The following PRKN variants were observed in gnomAD, a reference collection of about 807,000 sequenced individuals.
The protein encoded by PRKN is parkin RBR E3 ubiquitin protein ligase, also known as E3 ubiquitin-protein ligase parkin.
Under a neutral mutation model 59.5 loss-of-function variants are expected in PRKN, and 56 were observed. The observed-to-expected ratio is 0.94, with a 90% CI of 0.76 to 1.18. PRKN has a LOEUF of 1.18. Ranked by LOEUF, PRKN falls within the 50% of genes most tolerant of loss-of-function variation. PRKN has a pLI of 0.00. For synonymous variants in PRKN, 250 were observed against 222.1 expected, an observed-to-expected ratio of 1.13 and a Z score of -1.12; for missense variants, 657 against 596.4, an observed-to-expected ratio of 1.10 and a Z score of -1.06.
At chr6:161,604,869 A>C (rs1782223306) in intron 7 of PRKN, among the ~76,000 whole-genome samples, 1 of 152,282 alleles carries the variant, frequency 6.6e-6, no homozygotes, top group Admixed American at 6.5e-5. Context: ...TGGGAGGTGG[A>C]GGTTGCAGCG....
chr6:161,515,881 C>T (rs2115344133), intron 9 of PRKN, among the ~76,000 whole-genome samples: 1 of 152,266 alleles, frequency 6.6e-6, no homozygotes, highest in South Asian at 2.1e-4. Flanking sequence ...AAGCTAATGG[C>T]TTTTCACACA....
intron 7 of PRKN, among the ~76,000 whole-genome samples, chr6:161,641,090 A>G (rs1287825646): frequency 6.6e-6 from 1 of 152,212 alleles, no homozygotes; most frequent in Non-Finnish European, 1.5e-5. Flanking sequence ...CGGGCATAGG[A>G]CAAACTGACT....
At chr6:161,908,539 C>T (rs1247719724) in intron 6 of PRKN, among the ~76,000 whole-genome samples, 1 of 151,906 alleles carries the variant, frequency 6.6e-6, no homozygotes, top group African/African-American at 2.4e-5. Flanking sequence ...AGGTAAAAAA[C>T]ATTTTATTCC....
intron 2 of PRKN, among the ~76,000 whole-genome samples, chr6:162,414,726 A>AAAAAAAAGT (rs34838356): frequency 9.8e-5 from 9 of 91,874 alleles, no homozygotes; most frequent in South Asian, 3.4e-4. Context: ...AAAAAAAAAA[A>AAAAAAAAGT]AGTGAATCTT....
At chr6:162,666,791 G>T (rs1267087044) in intron 1 of PRKN, among the ~76,000 whole-genome samples, 1 of 152,072 alleles carries the variant, frequency 6.6e-6, no homozygotes. Context: ...TTGGTACTAT[G>T]AGCTACCTTG....
chr6:161,767,959 T>C (rs1789501779), intron 7 of PRKN, among the ~76,000 whole-genome samples: 1 of 152,206 alleles, frequency 6.6e-6, no homozygotes, highest in South Asian at 2.1e-4. Context: ...ATCTGAAATG[T>C]GCTTTCTGTT....
intron 6 of PRKN, among the ~76,000 whole-genome samples, chr6:161,910,642 T>C (rs1220193554): frequency 6.6e-6 from 1 of 152,198 alleles, no homozygotes; most frequent in Non-Finnish European, 1.5e-5. Context: ...TTGAAGGAAG[T>C]TCTACCATAG....
intron 1 of PRKN, among the ~76,000 whole-genome samples, chr6:162,502,333 A>C (rs760483727): frequency 3.9e-5 from 6 of 152,052 alleles, no homozygotes; most frequent in Admixed American, 6.6e-5. Context: ...GCTACTTTTT[A>C]CATTTTTTGT....
intron 1 of PRKN, among the ~76,000 whole-genome samples, chr6:162,498,031 A>G (rs1029130781): frequency 6.6e-6 from 1 of 152,204 alleles, no homozygotes; most frequent in African/African-American, 2.4e-5. Context: ...AATAAGTACA[A>G]TTGTTATATG....
intron 7 of PRKN, among the ~76,000 whole-genome samples, chr6:161,771,733 T>C (rs1259014361): frequency 1.3e-5 from 2 of 152,188 alleles, no homozygotes; most frequent in Non-Finnish European, 2.9e-5. Flanking sequence ...ATTACTTGGT[T>C]TGGGTATTAG....
chr6:162,428,445 T>C (rs1269565293), intron 2 of PRKN, among the ~76,000 whole-genome samples: 1 of 152,190 alleles, frequency 6.6e-6, no homozygotes. Flanking sequence ...ACAAACTTCC[T>C]ACTGGAGATC....
chr6:161,881,239 G>A (rs1228140245), intron 6 of PRKN, among the ~76,000 whole-genome samples: 3 of 152,150 alleles, frequency 2.0e-5, no homozygotes, highest in Admixed American at 2.0e-4. Context: ...CAGCAGCCAG[G>A]GAACTGCTGA....
In PRKN at chr6:162,185,552, T is replaced by C. The variant is rs1344428211; in HGVS notation, c.534+15579A>G. ...TGTTATCTGCGTCCTTCATTATAAG[T>C]GATTTCAAAATCTTTTTCCCTCCAG... On this transcript the variant is annotated intron_variant, in intron 4 of 11. Transcript: ENST00000366898. 4.6e-5 allele frequency among the ~76,000 whole-genome samples: 7 copies of C among 152,330 alleles called. No homozygotes were observed. In the South Asian group the frequency reaches 1.0e-3, roughly 23 times the overall value.
chr6:161,867,647 A>T (rs914594886), intron 6 of PRKN, among the ~76,000 whole-genome samples: 2 of 152,172 alleles, frequency 1.3e-5, no homozygotes, highest in Admixed American at 1.3e-4. Flanking sequence ...GTAAAGAGCT[A>T]TTTGGCATCA....
chr6:162,217,769 T>C (rs1179506728), intron 3 of PRKN, among the ~76,000 whole-genome samples: 1 of 152,174 alleles, frequency 6.6e-6, no homozygotes, highest in Non-Finnish European at 1.5e-5. Flanking sequence ...ACAATTCCTA[T>C]TAGCGCAAGG....
intron 4 of PRKN, among the ~76,000 whole-genome samples, chr6:162,070,438 G>A (rs1778526084): frequency 6.6e-6 from 1 of 152,140 alleles, no homozygotes; most frequent in South Asian, 2.1e-4. Context: ...TGTGGGGTCA[G>A]CTCGGATGGT....
intron 7 of PRKN, among the ~76,000 whole-genome samples, chr6:161,750,694 G>A (rs1788652952): frequency 6.7e-6 from 1 of 149,224 alleles, no homozygotes; most frequent in African/African-American, 2.5e-5. Flanking sequence ...TTGAACCCAG[G>A]AGGCAGAGGT....
At chr6:162,125,227 T>A (rs1393696596) in intron 4 of PRKN, among the ~76,000 whole-genome samples, 4 of 152,088 alleles carry the variant, frequency 2.6e-5, no homozygotes, top group Admixed American at 1.3e-4. Context: ...AGGGACTGTC[T>A]CCACATGCTT....
intron 2 of PRKN, among the ~76,000 whole-genome samples, chr6:162,341,903 T>TAA (rs201948255): frequency 7.6e-5 from 11 of 144,876 alleles, no homozygotes; most frequent in African/African-American, 1.0e-4. Flanking sequence ...CCTAATGTAT[T>TAA]AAAAAAAAAA....
Sources: allele counts gnomAD v4.1 joint callset (sites outside exome capture counted in the v4.1 genomes callset), GRCh38; gene constraint gnomAD v4.1.1; transcripts MANE v1.5; gene names NCBI Gene and HGNC (gene_info 2026-07-23, HGNC 2026-07-21).